CLSTN2: variants seen among roughly 807,000 people sequenced by gnomAD.
CLSTN2 encodes calsyntenin-2.
Under a neutral mutation model 101.2 loss-of-function variants are expected in CLSTN2, and 48 were observed. The observed-to-expected ratio is 0.47, with a 90% confidence interval of 0.38 to 0.60. The LOEUF (loss-of-function observed/expected upper bound fraction) is 0.60, where lower values mean the gene tolerates loss of function less well. CLSTN2 is among the 20% of genes least tolerant of loss of function. The probability of loss-of-function intolerance (pLI) is 0.00; values close to 1 mark genes in which losing one functional copy is unlikely to be tolerated. For missense variants in CLSTN2, 1,160 were observed against 1,238.2 expected, an observed-to-expected ratio of 0.94 and a Z score of 0.95; for synonymous variants, 481 against 463.6, an observed-to-expected ratio of 1.04 and a Z score of -0.48.
At chr3:140,120,950 T>C (rs905441147) in intron 1 of CLSTN2, among the ~76,000 whole-genome samples, 3 of 152,186 alleles carry the variant, frequency 2.0e-5, no homozygotes, top group African/African-American at 4.8e-5. Flanking sequence ...CTGAAGTATT[T>C]TGGAATCATC....
chr3:140,365,174 G>A (rs768776028), intron 2 of CLSTN2, among the ~76,000 whole-genome samples: 9 of 152,130 alleles, frequency 5.9e-5, no homozygotes, highest in Non-Finnish European at 1.3e-4. Context: ...GGAGAGCAAG[G>A]AAATTGCTGC....
intron 2 of CLSTN2, among the ~76,000 whole-genome samples, chr3:140,194,145 C>T (rs1470101037): frequency 3.9e-5 from 6 of 152,056 alleles, no homozygotes; most frequent in East Asian, 1.9e-4. Flanking sequence ...AACAGAATAC[C>T]ATACCCTAGG....
intron 1 of CLSTN2, among the ~76,000 whole-genome samples, chr3:139,963,387 A>G (rs868189804): frequency 5.3e-5 from 8 of 152,062 alleles, no homozygotes; most frequent in Non-Finnish European, 1.2e-4. Flanking sequence ...CTACTTTTCC[A>G]ATCACATTAC....
At chr3:140,238,507 TCC>T (rs1357002759) in intron 2 of CLSTN2, among the ~76,000 whole-genome samples, 1 of 152,216 alleles carries the variant, frequency 6.6e-6, no homozygotes, top group Admixed American at 6.5e-5. Flanking sequence ...CTGAACCCTA[TCC>T]ATTTTTTCTG....
At chr3:140,090,834 C>T (rs576807658) in intron 1 of CLSTN2, among the ~76,000 whole-genome samples, 8 of 151,996 alleles carry the variant, frequency 5.3e-5, no homozygotes, top group South Asian at 4.2e-4. Context: ...AGGAGGTGTA[C>T]GGGGGCAGGA....
At chr3:140,171,817 A>C (rs1283026733) in intron 1 of CLSTN2, among the ~76,000 whole-genome samples, 1 of 101,366 alleles carries the variant, frequency 9.9e-6, no homozygotes, top group Non-Finnish European at 1.9e-5. Flanking sequence ...TATATATTAT[A>C]TATTATATAT....
intron 10 of CLSTN2, among the ~76,000 whole-genome samples, chr3:140,551,533 G>C (rs1935698955): frequency 6.6e-6 from 1 of 151,948 alleles, no homozygotes; most frequent in Admixed American, 6.6e-5. Context: ...GAAAGAGCAA[G>C]AACTTTAGAA....
At chr3:139,982,077 T>G (rs1363223319) in intron 1 of CLSTN2, among the ~76,000 whole-genome samples, 1 of 152,154 alleles carries the variant, frequency 6.6e-6, no homozygotes, top group Non-Finnish European at 1.5e-5. Context: ...CAATAATAAT[T>G]TATTTGCTAC....
Position 140,404,735 on chromosome 3 carries a change from C to T in CLSTN2, c.606C>T (p.Thr202=). 6.2e-7 allele frequency: 1 copy of T among 1,614,174 alleles called. No individual in the cohort carries two copies. The highest frequency in any genetic ancestry group is 8.5e-7 in the Non-Finnish European group (1 of 1,180,024). The part of the protein sequence containing the change: ...YSQICNYEIV[T]TDVPFAIDRN... The stretch of plus-strand genomic sequence containing the variant: ...AGATCTGCAACTATGAAATCGTCAC[C>T]ACAGATGTGCCTTTTGCCATCGACA... Residue 202 remains threonine (T), a synonymous_variant, in exon 4 of 17, where the codon ACC becomes ACT. Coordinates refer to ENST00000458420, the MANE Select transcript of CLSTN2 (RefSeq NM_022131.3).
chr3:140,496,765 G>A (rs966018356), intron 8 of CLSTN2, among the ~76,000 whole-genome samples: 1 of 152,116 alleles, frequency 6.6e-6, no homozygotes, highest in Admixed American at 6.5e-5. Flanking sequence ...CCCCTGTTGG[G>A]AGGTCTCACC....
At chr3:140,476,768 C>T (rs1225770405) in intron 8 of CLSTN2, among the ~76,000 whole-genome samples, 3 of 151,632 alleles carry the variant, frequency 2.0e-5, no homozygotes, top group African/African-American at 7.3e-5. Flanking sequence ...ACACCATTCT[C>T]CTGCCTTAGC....
At chr3:140,009,212 A>G (rs1418887908) in intron 1 of CLSTN2, among the ~76,000 whole-genome samples, 1 of 152,032 alleles carries the variant, frequency 6.6e-6, no homozygotes, top group Non-Finnish European at 1.5e-5. Flanking sequence ...CAGCCATGCT[A>G]TTTTCTGTTC....
chr3:140,117,578 A>G (rs988494355), intron 1 of CLSTN2, among the ~76,000 whole-genome samples: 33 of 152,260 alleles, frequency 2.2e-4, no homozygotes, highest in Middle Eastern at 6.8e-3. Context: ...TTGGGGTAGG[A>G]GAGGGGAAGC....
intron 2 of CLSTN2, among the ~76,000 whole-genome samples, chr3:140,204,355 G>T (rs1368489549): frequency 6.6e-6 from 1 of 152,132 alleles, no homozygotes; most frequent in Non-Finnish European, 1.5e-5. Context: ...AAACTTGCAC[G>T]AGTTACTCAC....
intron 1 of CLSTN2, among the ~76,000 whole-genome samples, chr3:140,164,305 T>C (rs1369011839): frequency 6.6e-6 from 1 of 152,126 alleles, no homozygotes; most frequent in African/African-American, 2.4e-5. Context: ...ATCCTACCAA[T>C]GGATTAGTTG....
chr3:139,966,081 G>C (rs1178465770), intron 1 of CLSTN2, among the ~76,000 whole-genome samples: 2 of 152,142 alleles, frequency 1.3e-5, no homozygotes. Flanking sequence ...TCTGGGTTCT[G>C]ACTTACTGTG....
At chr3:140,138,488 A>G (rs757295452) in intron 1 of CLSTN2, among the ~76,000 whole-genome samples, 1 of 152,222 alleles carries the variant, frequency 6.6e-6, no homozygotes, top group Non-Finnish European at 1.5e-5. Context: ...GTCTGGAGGT[A>G]GCACAGTTGG....
chr3:140,504,632 C>G (rs1414675538), intron 8 of CLSTN2, among the ~76,000 whole-genome samples: 1 of 152,186 alleles, frequency 6.6e-6, no homozygotes, highest in Admixed American at 6.5e-5. Flanking sequence ...TCTCAGTAAA[C>G]AAGGGAGGCC....
intron 1 of CLSTN2, among the ~76,000 whole-genome samples, chr3:140,088,447 G>T (rs1211359666): frequency 6.6e-6 from 1 of 152,088 alleles, no homozygotes; most frequent in Non-Finnish European, 1.5e-5. Flanking sequence ...TGAAAGTCTT[G>T]TATTTTTAAT....
Sources: allele counts gnomAD v4.1 joint callset (sites outside exome capture counted in the v4.1 genomes callset), GRCh38; gene constraint gnomAD v4.1.1; transcripts MANE v1.5; gene names NCBI Gene and HGNC (gene_info 2026-07-23, HGNC 2026-07-21).